The following ALK variants were observed in gnomAD, a reference collection of about 807,000 sequenced individuals.
ALK encodes the protein ALK receptor tyrosine kinase.
Under a neutral mutation model 163.1 loss-of-function variants are expected in ALK, and 74 were observed. That is an observed-to-expected ratio of 0.45 (90% CI 0.38 to 0.55). The LOEUF is 0.55. Ranked by LOEUF, ALK falls within the 20% of genes least tolerant of loss-of-function variation. The pLI, the probability that ALK is intolerant of heterozygous loss-of-function variation, is 0.00. For missense variants in ALK, 2,063 were observed against 2,105.3 expected (o/e 0.98, Z 0.39); for synonymous variants, 960 against 843.2 (o/e 1.14, Z -2.40).
At chr2:29,446,928 T>C (rs1573362041) in intron 4 of ALK, among the ~76,000 whole-genome samples, 1 of 152,328 alleles carries the variant, frequency 6.6e-6, no homozygotes, top group East Asian at 1.9e-4. Flanking sequence ...GTGTGCTTAA[T>C]ATTCTTTTCC....
intron 3 of ALK, among the ~76,000 whole-genome samples, chr2:29,600,033 C>G (rs1675339648): frequency 1.3e-5 from 2 of 152,142 alleles, no homozygotes; most frequent in Admixed American, 1.3e-4. Flanking sequence ...GGGCCCAGAG[C>G]TCACTCCGGT....
intron 4 of ALK, among the ~76,000 whole-genome samples, chr2:29,466,752 A>G (rs192069187): frequency 3.3e-5 from 5 of 152,354 alleles, no homozygotes; most frequent in Non-Finnish European, 5.9e-5. Flanking sequence ...AAAAAGCTGA[A>G]GAGTTTGTTT....
At chr2:29,270,941 T>G (rs1255280910) in intron 11 of ALK, among the ~76,000 whole-genome samples, 2 of 152,162 alleles carry the variant, frequency 1.3e-5, no homozygotes, top group Non-Finnish European at 2.9e-5. Context: ...GAACTTGGCT[T>G]CCTCCCTGTC....
intron 19 of ALK, 48 bp from the exon 20 acceptor site, chr2:29,223,576 G>A (rs2148171361): frequency 6.3e-7 from 1 of 1,594,178 alleles, no homozygotes; most frequent in Non-Finnish European, 8.5e-7. Flanking sequence ...CCTGGCCCTT[G>A]AAGCACTACA....
chr2:29,425,264 A>G (rs1000270098), intron 4 of ALK, among the ~76,000 whole-genome samples: 2 of 152,166 alleles, frequency 1.3e-5, no homozygotes, highest in South Asian at 4.2e-4. Flanking sequence ...CCGGCTCAAT[A>G]TAATGGAAAT....
At chr2:29,262,327 C>T (rs769453693) in intron 11 of ALK, among the ~76,000 whole-genome samples, 2 of 152,170 alleles carry the variant, frequency 1.3e-5, no homozygotes. Context: ...AATTTATTTG[C>T]GTGTATGTGC....
intron 2 of ALK, among the ~76,000 whole-genome samples, chr2:29,698,504 A>G (rs1266806625): frequency 1.3e-5 from 2 of 152,132 alleles, no homozygotes; most frequent in East Asian, 3.9e-4. Context: ...TTCTGCGGCC[A>G]TCCCCTACCT....
At chr2:29,910,120 C>T (rs7589120) in intron 1 of ALK, among the ~76,000 whole-genome samples, 58,936 of 151,808 alleles carry the variant, frequency 0.39, 12,194 homozygotes, top group East Asian at 0.57. Flanking sequence ...TTTAAAATAG[C>T]TGTTATACGT....
intron 1 of ALK, among the ~76,000 whole-genome samples, chr2:29,770,396 A>G (rs1573621320): frequency 6.6e-6 from 1 of 152,348 alleles, no homozygotes; most frequent in African/African-American, 2.4e-5. Context: ...AAGCCTACAG[A>G]TGACACGTCC....
chr2:29,654,504 G>T lies in ALK; in HGVS notation c.952+40346C>A, dbSNP rs555394265. Among the ~76,000 whole-genome samples the T allele has an allele frequency of 2.2e-4, 34 of 152,262 alleles. No individual in the cohort carries two copies. The South Asian group carries it at 7.1e-3, about 32-fold the overall frequency. ...AGAATCCATGAAAAAGGAAGCTTGG[G>T]TCATACAGTTTGTGGGTAGGGGAAC... On this transcript the variant is annotated intron_variant, in intron 3 of 28. Coordinates refer to ENST00000389048, the MANE Select transcript of ALK (RefSeq NM_004304.5).
intron 4 of ALK, among the ~76,000 whole-genome samples, chr2:29,482,374 A>G (rs910657151): frequency 6.6e-6 from 1 of 152,134 alleles, no homozygotes; most frequent in Non-Finnish European, 1.5e-5. Flanking sequence ...GTGGACTTGG[A>G]GTGAGGGCAT....
chr2:29,688,367 T>C lies in ALK; in HGVS notation c.952+6483A>G, dbSNP rs138739694. 3.1e-4 allele frequency among the ~76,000 whole-genome samples: 47 copies of C among 152,350 alleles called. 1 individual carries two copies. Among genetic ancestry groups the C allele is most frequent in the African/African-American group, 1.1e-3 (47 of 41,586 alleles). ...TCTGATTCCATTTATAGAGGACAGA[T>C]GTGTGGCTATATTTATTTTATCTAA... On this transcript the variant is annotated intron_variant, in intron 3 of 28. Coordinates refer to ENST00000389048, the MANE Select transcript of ALK (RefSeq NM_004304.5).
In ALK at chr2:29,532,081, T is replaced by C; in HGVS notation, c.988A>G (p.Lys330Glu). Reference protein sequence around the residue: ...FLLLNTSADSKHTILSPWMRS... With the variant: ...FLLLNTSADSEHTILSPWMRS... Reference sequence around the variant, plus strand: ...ATCCACGGACTCAGGATGGTGTGCTTGGAGTCAGCTGAGGTGTTGAGAAGG... The same window carrying C: ...ATCCACGGACTCAGGATGGTGTGCTCGGAGTCAGCTGAGGTGTTGAGAAGG... The change falls in exon 4 of 29, where the codon AAG becomes GAG. Residue 330 changes from lysine to glutamate, a missense_variant. Physicochemically the swap from Lys to Glu is moderately conservative, Grantham distance 56 (BLOSUM62 1). Transcript: ENST00000389048. 1 of 1,613,688 alleles carries C rather than the reference T, an allele frequency of 6.2e-7. No individual in the cohort carries two copies. The highest frequency in any genetic ancestry group is 8.5e-7 in the Non-Finnish European group (1 of 1,179,956).
intron 1 of ALK, among the ~76,000 whole-genome samples, chr2:29,896,496 G>T (rs930554042): frequency 6.6e-6 from 1 of 152,178 alleles, no homozygotes; most frequent in Non-Finnish European, 1.5e-5. Context: ...ATAAGAAGAG[G>T]AAGAGACAAA....
intron 4 of ALK, among the ~76,000 whole-genome samples, chr2:29,520,626 G>C (rs539408824): frequency 6.6e-6 from 1 of 152,260 alleles, no homozygotes; most frequent in Non-Finnish European, 1.5e-5. Context: ...AAGGAGCTAA[G>C]AGATTCCTTC....
chr2:29,484,135 C>T (rs913549903), intron 4 of ALK, among the ~76,000 whole-genome samples: 5 of 152,206 alleles, frequency 3.3e-5, no homozygotes, highest in Non-Finnish European at 4.4e-5. Context: ...ATGCCTCCCA[C>T]GGGATTATGG....
intron 1 of ALK, among the ~76,000 whole-genome samples, chr2:29,765,846 T>C (rs986703715): frequency 6.6e-6 from 1 of 152,226 alleles, no homozygotes; most frequent in Non-Finnish European, 1.5e-5. Flanking sequence ...ATTTCCATAA[T>C]AAATACTTCC....
intron 1 of ALK, among the ~76,000 whole-genome samples, chr2:29,877,810 G>T (rs1409665818): frequency 6.6e-6 from 1 of 152,146 alleles, no homozygotes; most frequent in East Asian, 1.9e-4. Flanking sequence ...TTGCCTCCTG[G>T]CTCCTAGGGG....
rs371659159 is a variant in ALK, at chr2:29,213,986, G to A, written c.3741C>T (p.His1247=). The A allele has an allele frequency of 6.2e-7, 1 of 1,613,044 alleles. No individual in the cohort carries two copies. The highest frequency in any genetic ancestry group is 8.5e-7 in the Non-Finnish European group (1 of 1,179,050). Residue 1247 remains histidine (H), a splice_region_variant and synonymous_variant, in exon 24 of 29, where the codon CAC becomes CAT. Transcript: ENST00000389048. ...AGAGCACAGTCACTTTGACTCACCG[G>A]TGGATGAAGTGGTTTTCCTCCAAAT... The part of the protein sequence containing the change: ...CQYLEENHFI[H]RDIAARNCLL...
Sources: gnomAD v4.1 joint callset for allele counts (sites outside exome capture counted in the v4.1 genomes callset) on GRCh38, gnomAD v4.1.1 for gene constraint, MANE v1.5 for transcripts, NCBI Gene and HGNC (gene_info 2026-07-23, HGNC 2026-07-21) for gene names.